Variants in PTK2B observed in about 807,000 individuals in gnomAD.
The protein encoded by PTK2B is protein tyrosine kinase 2 beta.
PTK2B carries 71 observed loss-of-function variants against 142.9 expected under a neutral mutation model. That is an observed-to-expected ratio of 0.50 (90% confidence interval 0.41 to 0.61). The LOEUF is 0.61. PTK2B is among the 20% of genes least tolerant of loss of function. The pLI is 0.00. For missense variants in PTK2B, 1,105 were observed against 1,320.4 expected (o/e 0.84, Z 2.53); for synonymous variants, 519 against 503.4 (o/e 1.03, Z -0.42).
At chr8:27,451,531 C>T (rs759540215) in intron 27 of PTK2B, 22 bp downstream of exon 27, 11 of 1,614,012 alleles carry the variant, frequency 6.8e-6, no homozygotes, top group East Asian at 2.2e-5. Context: ...CGCCCTTCTT[C>T]GGGGGGTTTC....
intron 6 of PTK2B, 78 bp downstream of exon 6, chr8:27,430,233 C>T: frequency 6.3e-7 from 1 of 1,578,190 alleles, no homozygotes; most frequent in Non-Finnish European, 8.7e-7. Flanking sequence ...TCTCCTCCAC[C>T]CCTCCCCAGA....
intron 3 of PTK2B, among the ~76,000 whole-genome samples, chr8:27,317,124 A>C (rs1323695994): frequency 6.6e-6 from 1 of 152,214 alleles, no homozygotes; most frequent in Non-Finnish European, 1.5e-5. Flanking sequence ...CCAGAAATGA[A>C]ATAAGGCCAT....
chr8:27,382,226 G>A (rs550606441), intron 1 of PTK2B, among the ~76,000 whole-genome samples: 5 of 152,228 alleles, frequency 3.3e-5, no homozygotes, highest in East Asian at 3.9e-4. Context: ...GGGATTATAG[G>A]TGTGAGCCAC....
chr8:27,336,988 C>G (rs540761214), intron 1 of PTK2B, among the ~76,000 whole-genome samples: 1 of 150,752 alleles, frequency 6.6e-6, no homozygotes, highest in South Asian at 2.1e-4. Context: ...CCCCTCCCCC[C>G]GCCACTGCCA....
chr8:27,399,564 G>T (rs184634399), intron 2 of PTK2B, among the ~76,000 whole-genome samples: 1 of 152,300 alleles, frequency 6.6e-6, no homozygotes, highest in Non-Finnish European at 1.5e-5. Context: ...TCCTGGAGTT[G>T]TATGATATAC....
chr8:27,343,232 TG>T lies in PTK2B; in HGVS notation c.-38+17552del, dbSNP rs1210347755. 6.6e-5 allele frequency among the ~76,000 whole-genome samples: 10 copies of T among 152,352 alleles called. 1 individual carries two copies. The South Asian group carries it at 1.0e-3, about 16-fold the overall frequency. On this transcript the variant is annotated intron_variant, in intron 1 of 30. Transcript: ENST00000346049. ...GTTTGTTGTTTGTTTGTTTATTTTT[TG>T]CTCGTTCTTGTACATCTTCCAGATC...
At position 27,432,376 on chromosome 8, in the gene PTK2B, G is replaced by A. The variant is rs1338720850; in HGVS notation, c.987+15G>A. ...GTGCCCCCCAGGTGAGTGTCTCTGG[G>A]CACTGGGCACCTGGCAGCTCTGCAG... is the stretch of plus-strand genomic sequence containing the variant. On this transcript the variant is annotated intron_variant, in intron 10 of 30. Coordinates refer to ENST00000346049, the MANE Select transcript of PTK2B (RefSeq NM_173176.3). The A allele has an allele frequency of 1.2e-6, 2 of 1,610,792 alleles. No homozygotes were observed. The highest frequency in any genetic ancestry group is 1.7e-6 in the Non-Finnish European group (2 of 1,178,026).
chr8:27,450,680 G>T, intron 24 of PTK2B, 69 bp from the exon 25 acceptor site: 1 of 1,583,434 alleles, frequency 6.3e-7, no homozygotes. Context: ...TTCTTCAGAG[G>T]ACTGTCCCTC....
chr8:27,329,042 A>G (rs1011581977), intron 1 of PTK2B, among the ~76,000 whole-genome samples: 1 of 151,424 alleles, frequency 6.6e-6, no homozygotes, highest in Non-Finnish European at 1.5e-5. Flanking sequence ...GGTTCAAGTG[A>G]TTCTCCTGCC....
rs1197576602 is a variant in PTK2B at position 27,356,713 on chromosome 8, A to G, written c.-38+31032A>G. Among the ~76,000 whole-genome samples, 4 of 152,256 alleles carry G rather than the reference A, an allele frequency of 2.6e-5. 1 individual carries two copies. The highest frequency in any genetic ancestry group is 4.1e-4 in the South Asian group (2 of 4,828). On this transcript the variant is annotated intron_variant, in intron 1 of 30. Coordinates refer to ENST00000346049, the MANE Select transcript of PTK2B (RefSeq NM_173176.3). Reference sequence around the variant, plus strand: ...GAGACTAGTATATTCACACCATGAAATACTACTCAGCAATGAAAATGAACA... The same window carrying G: ...GAGACTAGTATATTCACACCATGAAGTACTACTCAGCAATGAAAATGAACA...
At position 27,371,793 on chromosome 8, in the gene PTK2B, C is replaced by T. The variant is rs146716697; in HGVS notation, c.-37-25755C>T. 6.8e-3 allele frequency among the ~76,000 whole-genome samples: 1,041 copies of T among 152,292 alleles called. 13 individuals are homozygous for T. Among genetic ancestry groups the T allele is most frequent in the African/African-American group, 0.024 (999 of 41,558 alleles). ...GAACTCCTGACCTCAGGTGGTCTGC[C>T]TACCTTGGCCCTTCAAAGTGCTGAG... On this transcript the variant is annotated intron_variant, in intron 1 of 30. Transcript: ENST00000346049.
At chr8:27,427,723 G>A (rs1036110023) in intron 5 of PTK2B, among the ~76,000 whole-genome samples, 5 of 152,120 alleles carry the variant, frequency 3.3e-5, no homozygotes, top group African/African-American at 9.7e-5. Context: ...TGAAGCTGCC[G>A]TGGTCAGTCG....
chr8:27,367,423 T>C (rs1806083348), intron 1 of PTK2B, among the ~76,000 whole-genome samples: 1 of 152,212 alleles, frequency 6.6e-6, no homozygotes, highest in Non-Finnish European at 1.5e-5. Context: ...GTGTCTGGGC[T>C]TGCCCACCTG....
intron 1 of PTK2B, among the ~76,000 whole-genome samples, chr8:27,383,900 G>A (rs1467311892): frequency 3.5e-5 from 5 of 144,166 alleles, no homozygotes; most frequent in Admixed American, 7.4e-5. Flanking sequence ...CCAGGCTGGA[G>A]TGCAATGGTG....
chr8:27,341,960 G>GC (rs1418716571), intron 1 of PTK2B, among the ~76,000 whole-genome samples: 1 of 152,132 alleles, frequency 6.6e-6, no homozygotes, highest in African/African-American at 2.4e-5. Context: ...ACACAGGTAT[G>GC]ATCCACCCCA....
At chr8:27,400,043 A>C (rs1003342052) in intron 2 of PTK2B, among the ~76,000 whole-genome samples, 1 of 152,246 alleles carries the variant, frequency 6.6e-6, no homozygotes, top group East Asian at 1.9e-4. Flanking sequence ...CTAATTGCCC[A>C]GAGAATAAAG....
intron 24 of PTK2B, among the ~76,000 whole-genome samples, chr8:27,448,528 A>C (rs1811615688): frequency 6.6e-6 from 1 of 152,236 alleles, no homozygotes; most frequent in African/African-American, 2.4e-5. Flanking sequence ...GTTTGTTAGA[A>C]TATGTGGTAC....
intron 1 of PTK2B, among the ~76,000 whole-genome samples, chr8:27,326,083 C>T (rs546903877): frequency 2.6e-5 from 4 of 152,254 alleles, no homozygotes; most frequent in East Asian, 3.9e-4. Context: ...CGGGCCCTTC[C>T]GCAGCCCCAG....
rs1240769192 is a variant in PTK2B, at chr8:27,390,369, T to C, written c.-37-7179T>C. 2.0e-5 allele frequency among the ~76,000 whole-genome samples: 3 copies of C among 152,250 alleles called. No individual in the cohort carries two copies. The East Asian group carries it at 5.8e-4, about 29-fold the overall frequency. On this transcript the variant is annotated intron_variant, in intron 1 of 30. Coordinates refer to ENST00000346049, the MANE Select transcript of PTK2B (RefSeq NM_173176.3). ...AGGTTTAAAGGCCAGGCATGGTGGC[T>C]CATACCTGTAATCCCAGCACTTTGG...
Sources: allele counts gnomAD v4.1 joint callset (sites outside exome capture counted in the v4.1 genomes callset), GRCh38; gene constraint gnomAD v4.1.1; transcripts MANE v1.5; gene names NCBI Gene and HGNC (gene_info 2026-07-23, HGNC 2026-07-21).